Variants in YWHAZ observed in about 807,000 individuals in gnomAD.
The protein encoded by YWHAZ is 14-3-3 protein zeta/delta.
For missense variants in YWHAZ, 79 were observed against 284.8 expected, an observed-to-expected ratio of 0.28 and a Z score of 5.20; for synonymous variants, 87 against 103.6, an observed-to-expected ratio of 0.84 and a Z score of 0.97.
At position 100,934,157 on chromosome 8, in the gene YWHAZ, CAAAAA is replaced by C. The variant is rs35069019; in HGVS notation, c.295-9123_295-9119del. 1.2e-3 allele frequency among the ~76,000 whole-genome samples: 94 copies of C among 78,202 alleles called. 2 individuals are homozygous for C. The highest frequency in any genetic ancestry group is 3.7e-3 in the African/African-American group (76 of 20,466). The allele number at this position is 78,202 out of a possible 152,430, so 51.3% of individuals were successfully genotyped here. ...CTGGGCAACAAAGCTAGACTCGTCTCAAAAAAAAAAAAAAAAAAAAAAAAAAAAAT... is the reference window on the plus strand; with the variant it reads ...CTGGGCAACAAAGCTAGACTCGTCTCAAAAAAAAAAAAAAAAAAAAAAAAT... On this transcript the variant is annotated intron_variant, in intron 2 of 5. Coordinates refer to ENST00000395958, the MANE Select transcript of YWHAZ (RefSeq NM_145690.3).
intron 2 of YWHAZ, chr8:100,947,937 C>A: frequency 3.6e-6 from 2 of 563,148 alleles, no homozygotes; most frequent in Non-Finnish European, 5.9e-6. Context: ...TTAAAATTAA[C>A]CAAAATGTAG....
chr8:100,935,025 C>T (rs1231879840), intron 2 of YWHAZ: 1 of 151,926 alleles, frequency 6.6e-6, no homozygotes, highest in African/African-American at 2.4e-5. Flanking sequence ...TGGTGGCACA[C>T]GACTGTAATC....
rs58173953 is a variant in YWHAZ, at chr8:100,946,309, C to T, written c.294+2287G>A. Among the ~76,000 whole-genome samples the T allele has an allele frequency of 1.0e-3, 156 of 152,172 alleles. 1 individual carries two copies. Among genetic ancestry groups the T allele is most frequent in the African/African-American group, 3.5e-3 (145 of 41,518 alleles). The stretch of plus-strand genomic sequence containing the variant: ...ATCCCAGCACTTTGGGAGGCCAAGG[C>T]GAGTGGATCACCTGAGGTCAAGAGT... On this transcript the variant is annotated intron_variant, in intron 2 of 5. Transcript: ENST00000395958.
At chr8:100,941,427 C>T (rs1459221986) in intron 2 of YWHAZ, among the ~76,000 whole-genome samples, 4 of 152,114 alleles carry the variant, frequency 2.6e-5, no homozygotes, top group East Asian at 3.8e-4. Flanking sequence ...CTTGGTATAA[C>T]GCTAATTTTT....
chr8:100,939,838 G>A, intron 2 of YWHAZ, among the ~76,000 whole-genome samples: 1 of 151,998 alleles, frequency 6.6e-6, no homozygotes, highest in Non-Finnish European at 1.5e-5. Context: ...TGGCTAACCT[G>A]GTGAAACCTC....
chr8:100,948,546 A>T lies in YWHAZ; in HGVS notation c.294+50T>A. 6.5e-7 allele frequency: 1 copy of T among 1,547,844 alleles called. No homozygotes were observed. Among genetic ancestry groups the T allele is most frequent in the Non-Finnish European group, 8.7e-7 (1 of 1,145,714 alleles). ...AAAAGTTAAGAGTAATGTAACTGATACTCATAGGGACCCTACAGTATAATG... is the reference window on the plus strand; with the variant it reads ...AAAAGTTAAGAGTAATGTAACTGATTCTCATAGGGACCCTACAGTATAATG... On this transcript the variant is annotated intron_variant, in intron 2 of 5. Coordinates refer to ENST00000395958, the MANE Select transcript of YWHAZ (RefSeq NM_145690.3). The surrounding 1 kb of genome is among the most constrained non-coding windows in gnomAD (Gnocchi z 4.2).
Position 100,948,320 on chromosome 8 carries a change from ATTAGTTTATAT to A in YWHAZ, c.294+265_294+275del, listed in dbSNP as rs565243059. On this transcript the variant is annotated intron_variant, in intron 2 of 5. Coordinates refer to ENST00000395958, the MANE Select transcript of YWHAZ (RefSeq NM_145690.3). This position sits in a 1 kb window ranked among gnomAD's most constrained non-coding sequence, Gnocchi z 4.2. ...TAACCATAAGTAAAACAGTAACACA[ATTAGTTTATAT>A]TTTCAATTAATATAAAATACAATAC... is the stretch of plus-strand genomic sequence containing the variant. 1.6e-3 allele frequency among the ~76,000 whole-genome samples: 240 copies of A among 152,350 alleles called. No individual in the cohort carries two copies. The highest frequency in any genetic ancestry group is 2.8e-3 in the Non-Finnish European group (191 of 68,028).
chr8:100,951,946 G>A lies in YWHAZ; in HGVS notation c.-29C>T. 2 of 1,000,880 alleles carry A rather than the reference G, an allele frequency of 2.0e-6. No individual in the cohort carries two copies. Among genetic ancestry groups the A allele is most frequent in the African/African-American group, 1.7e-5 (1 of 57,442 alleles). The allele number at this position is 1,000,880 out of a possible 1,614,324, so 62.0% of individuals were successfully genotyped here. The stretch of plus-strand genomic sequence containing the variant: ...TTCCTCACCTGTGTCCGGAGTGGGT[G>A]GTGGCGGCGGACGGACGGGCTCAGC... On this transcript the variant is annotated 5_prime_UTR_variant, in exon 1 of 6. Coordinates refer to ENST00000395958, the MANE Select transcript of YWHAZ (RefSeq NM_145690.3).
In YWHAZ at chr8:100,948,921, G is replaced by T; in HGVS notation, c.-11-21C>A. 1 of 1,548,278 alleles carries T rather than the reference G, an allele frequency of 6.5e-7. No individual in the cohort carries two copies. Among genetic ancestry groups the T allele is most frequent in the Non-Finnish European group, 8.6e-7 (1 of 1,157,936 alleles). On this transcript the variant is annotated intron_variant, in intron 1 of 5. Coordinates refer to ENST00000395958, the MANE Select transcript of YWHAZ (RefSeq NM_145690.3). The surrounding 1 kb of genome is among the most constrained non-coding windows in gnomAD (Gnocchi z 4.2). ...ATGTTCTGCAGGGGGGAAAAAAGGA[G>T]TATTTAAAATTTTTCCCATCAAAAT...
rs1049113348 is a variant in YWHAZ, at chr8:100,917,000, G to C, written c.*3693C>G. 6.6e-6 allele frequency: 1 copy of C among 152,200 alleles called. No homozygotes were observed. The highest frequency in any genetic ancestry group is 2.4e-5 in the African/African-American group (1 of 41,452). The allele number at this position is 152,200 out of a possible 1,614,324, so 9.4% of individuals were successfully genotyped here. A position where few individuals can be genotyped will look rare whatever the true frequency, so the allele number is the denominator to read the frequency against. ...CCATAGTATTTCCTATATGGTAAAT[G>C]AGAGAATACAATCAAGCCAAATTTA... On this transcript the variant is annotated 3_prime_UTR_variant, in exon 6 of 6. Transcript: ENST00000395958.
intron 5 of YWHAZ, among the ~76,000 whole-genome samples, 186 bp from the exon 6 acceptor site, chr8:100,920,938 A>G (rs1188155421): frequency 6.6e-6 from 1 of 152,196 alleles, no homozygotes; most frequent in Non-Finnish European, 1.5e-5. Context: ...TGTAACCACT[A>G]TATAAGCAGG....
At chr8:100,950,282 G>C in intron 1 of YWHAZ, 1 of 772,014 alleles carries the variant, frequency 1.3e-6, no homozygotes. Flanking sequence ...CCAGTACAAA[G>C]GATTCTCTCC....
chr8:100,950,588 T>A (rs986819218), intron 1 of YWHAZ: 1 of 985,022 alleles, frequency 1.0e-6, no homozygotes, highest in Non-Finnish European at 1.2e-6. Flanking sequence ...CCCAACCTAC[T>A]GCAGAGTGTT....
rs974142115 is a variant in YWHAZ, at chr8:100,920,333, G to A, written c.*360C>T. 12 of 212,380 alleles carry A rather than the reference G, an allele frequency of 5.7e-5. No individual in the cohort carries two copies. Among genetic ancestry groups the A allele is most frequent in the Admixed American group, 3.8e-4 (7 of 18,350 alleles). 13.2% of individuals were successfully genotyped at this position (212,380 alleles called of 1,614,324 possible). ...GAACCAATGATCCCTTTTATTCCCC[G>A]CCAGGACAAACCAGTATGTAGGCAG... is the stretch of plus-strand genomic sequence containing the variant. On this transcript the variant is annotated 3_prime_UTR_variant, in exon 6 of 6. Transcript: ENST00000395958.
At chr8:100,952,178 C>T (rs1810843551), upstream of YWHAZ, 5 of 984,264 alleles carry the variant, frequency 5.1e-6, no homozygotes, top group South Asian at 4.7e-5. Flanking sequence ...CCCGCGTAAC[C>T]GCCGCTCCCC....
At chr8:100,951,664 C>T in intron 1 of YWHAZ, 1 of 985,320 alleles carries the variant, frequency 1.0e-6, no homozygotes, top group Non-Finnish European at 1.2e-6. Context: ...CCTACCCACC[C>T]CCGGGGGCAG....
At chr8:100,935,308 C>A (rs1050340876) in intron 2 of YWHAZ, among the ~76,000 whole-genome samples, 2 of 152,214 alleles carry the variant, frequency 1.3e-5, no homozygotes, top group African/African-American at 2.4e-5. Context: ...GTAATAGCTT[C>A]ATTTAAATAA....
rs1586172990 is a variant in YWHAZ at position 100,951,966 on chromosome 8, C to T, written c.-49G>A. On this transcript the variant is annotated 5_prime_UTR_variant, in exon 1 of 6. Coordinates refer to ENST00000395958, the MANE Select transcript of YWHAZ (RefSeq NM_145690.3). ...TGGGTGGTGGCGGCGGACGGACGGGCTCAGCAGTCTCTGGGCGGCGGCGGC... is the reference window on the plus strand; with the variant it reads ...TGGGTGGTGGCGGCGGACGGACGGGTTCAGCAGTCTCTGGGCGGCGGCGGC... 3 of 1,004,118 alleles carry T rather than the reference C, an allele frequency of 3.0e-6. No individual in the cohort carries two copies. The highest frequency in any genetic ancestry group is 2.2e-4 in the East Asian group (2 of 9,238). The allele number at this position is 1,004,118 out of a possible 1,614,324, so 62.2% of individuals were successfully genotyped here.
rs1812845171 is a variant in YWHAZ, at chr8:100,918,957, G to T, written c.*1736C>A. On this transcript the variant is annotated 3_prime_UTR_variant, in exon 6 of 6. Coordinates refer to ENST00000395958, the MANE Select transcript of YWHAZ (RefSeq NM_145690.3). ...ATTTAGAGAATAGAGGAGGAAGAAA[G>T]AGGAAGGATTTTAAAGGCAGACAAT... is the stretch of plus-strand genomic sequence containing the variant. 6.6e-6 allele frequency: 1 copy of T among 152,590 alleles called. No individual in the cohort carries two copies. Among genetic ancestry groups the T allele is most frequent in the Non-Finnish European group, 1.5e-5 (1 of 68,066 alleles). 9.5% of individuals were successfully genotyped at this position (152,590 alleles called of 1,614,324 possible). A position where few individuals can be genotyped will look rare whatever the true frequency, so the allele number is the denominator to read the frequency against.
Sources: allele counts gnomAD v4.1 joint callset (sites outside exome capture counted in the v4.1 genomes callset), GRCh38; gene constraint gnomAD v4.1.1; non-coding constraint Gnocchi (gnomAD v3.1); transcripts MANE v1.5; gene names NCBI Gene and HGNC (gene_info 2026-07-23, HGNC 2026-07-21).